Variants in ARHGEF28 observed in about 807,000 individuals in gnomAD.
ARHGEF28 encodes the protein 190 kDa guanine nucleotide exchange factor.
A neutral mutation model predicts 206.6 loss-of-function variants in ARHGEF28; 152 were observed. That is an observed-to-expected ratio of 0.74 (90% confidence interval 0.64 to 0.84). ARHGEF28 has a LOEUF of 0.84. ARHGEF28 is among the 40% of genes least tolerant of loss of function. The pLI is 0.00. For synonymous variants in ARHGEF28, 763 were observed against 776.4 expected (o/e 0.98, Z 0.29); for missense variants, 2,028 against 2,073.2 (o/e 0.98, Z 0.42).
intron 35 of ARHGEF28, among the ~76,000 whole-genome samples, chr5:73,913,630 G>A (rs1763036848): frequency 6.6e-6 from 1 of 152,154 alleles, no homozygotes; most frequent in Admixed American, 6.5e-5. Flanking sequence ...AGGCTCCAGG[G>A]TGTGCTGGGT....
At chr5:73,699,057 CT>C (rs886591033) in intron 2 of ARHGEF28, among the ~76,000 whole-genome samples, 44 of 152,076 alleles carry the variant, frequency 2.9e-4, no homozygotes, top group African/African-American at 8.0e-4. Context: ...TTTGCGAACC[CT>C]TTTCTTTGAG....
rs1281734665 is a variant in ARHGEF28, at chr5:73,650,544, AAG to A, written c.-12+24223_-12+24224del. Reference sequence around the variant, plus strand: ...GTGATCTGCCAGCCTCGGCCTCACAAAGTGCTGGGATTACAGGTGTGAGCCAC... The same window carrying A: ...GTGATCTGCCAGCCTCGGCCTCACAATGCTGGGATTACAGGTGTGAGCCAC... On this transcript the variant is annotated intron_variant, in intron 1 of 35. Transcript: ENST00000513042. Among the ~76,000 whole-genome samples, 3 of 152,060 alleles carry A rather than the reference AAG, an allele frequency of 2.0e-5. No homozygotes were observed. In the East Asian group the frequency reaches 5.8e-4, roughly 29 times the overall value.
In ARHGEF28 at chr5:73,752,972, T is replaced by A. The variant is rs1197544167; in HGVS notation, c.245T>A (p.Val82Glu). Residue 82 changes from valine to glutamate, a missense_variant, in exon 4 of 36, where the codon GTG (valine) becomes GAG (glutamate). Val to Glu is a moderately radical substitution (Grantham distance 121, BLOSUM62 -2). This residue lies in a region of ARHGEF28 where 1,002 missense variants were observed against 1,015.3 expected (regional missense o/e 0.99). Transcript: ENST00000513042. Reference sequence around the variant, plus strand: ...CTCTGCTCGGAAGGTTACTCTCCGGTGACCATGGGCTCTGGCTCAGTGACC... The same window carrying A: ...CTCTGCTCGGAAGGTTACTCTCCGGAGACCATGGGCTCTGGCTCAGTGACC... The part of the protein sequence containing the change: ...VCLCSEGYSP[V>E]TMGSGSVTYV... 1.2e-6 allele frequency: 2 copies of A among 1,613,848 alleles called. No homozygotes were observed. Among genetic ancestry groups the A allele is most frequent in the Non-Finnish European group, 1.7e-6 (2 of 1,179,826 alleles).
At chr5:73,778,758 A>T (rs755317429) in intron 6 of ARHGEF28, among the ~76,000 whole-genome samples, 2 of 152,230 alleles carry the variant, frequency 1.3e-5, no homozygotes, top group Non-Finnish European at 2.9e-5. Flanking sequence ...AGCAGGTGGT[A>T]ATTATTTTAT....
At chr5:73,871,328 TAAATG>T (rs1475232453) in intron 21 of ARHGEF28, among the ~76,000 whole-genome samples, 3 of 152,136 alleles carry the variant, frequency 2.0e-5, no homozygotes, top group Non-Finnish European at 4.4e-5. Context: ...GTTAAAAGAT[TAAATG>T]AAATGATACA....
At position 73,909,781 on chromosome 5, in the gene ARHGEF28, C is replaced by A; in HGVS notation, c.4531C>A (p.Gln1511Lys). 6.6e-7 allele frequency: 1 copy of A among 1,517,140 alleles called. No homozygotes were observed. The highest frequency in any genetic ancestry group is 8.8e-7 in the Non-Finnish European group (1 of 1,136,600). The allele number at this position is 1,517,140 out of a possible 1,614,324, so 94.0% of individuals were successfully genotyped here. Reference sequence around the variant, plus strand: ...CAGCCTGGAGCGGCTGAGGGAGGGCCAGCGCCTGGTGGAGAGGGAGCAGGC... The same window carrying A: ...CAGCCTGGAGCGGCTGAGGGAGGGCAAGCGCCTGGTGGAGAGGGAGCAGGC... ...QHSLERLREG[Q>K]RLVEREQARM... Residue 1511 changes from glutamine to lysine, a missense_variant, in exon 34 of 36, where the codon CAG becomes AAG. Physicochemically the swap from Gln to Lys is moderately conservative, Grantham distance 53. This residue lies in a region of ARHGEF28 where 803 missense variants were observed against 768.0 expected (regional missense o/e 1.05). Transcript: ENST00000513042.
At chr5:73,637,233 A>G (rs1384334269) in intron 1 of ARHGEF28, among the ~76,000 whole-genome samples, 2 of 152,174 alleles carry the variant, frequency 1.3e-5, no homozygotes, top group Non-Finnish European at 2.9e-5. Context: ...GATAACTATC[A>G]GTTTTTAGCT....
chr5:73,816,279 G>C (rs995787796), intron 9 of ARHGEF28, among the ~76,000 whole-genome samples: 2 of 152,106 alleles, frequency 1.3e-5, no homozygotes, highest in Non-Finnish European at 2.9e-5. Flanking sequence ...TTTTTATCCT[G>C]ATGGCCAGTT....
chr5:73,779,533 G>A (rs1753716139), intron 6 of ARHGEF28, among the ~76,000 whole-genome samples: 2 of 152,060 alleles, frequency 1.3e-5, no homozygotes, highest in South Asian at 4.1e-4. Flanking sequence ...TAGCCTTGGC[G>A]ACTCTCACTC....
chr5:73,655,267 T>G (rs1176201315), intron 1 of ARHGEF28, among the ~76,000 whole-genome samples: 1 of 152,222 alleles, frequency 6.6e-6, no homozygotes, highest in Non-Finnish European at 1.5e-5. Context: ...CTAACTATGG[T>G]TCACAGGTCA....
At chr5:73,834,592 G>A (rs1295244154) in intron 10 of ARHGEF28, among the ~76,000 whole-genome samples, 2 of 151,746 alleles carry the variant, frequency 1.3e-5, no homozygotes, top group East Asian at 3.9e-4. Flanking sequence ...GTGTTTGTGT[G>A]TGCAGGTATA....
chr5:73,756,414 C>T (rs898385984), intron 4 of ARHGEF28, among the ~76,000 whole-genome samples: 4 of 152,196 alleles, frequency 2.6e-5, no homozygotes, highest in Admixed American at 2.0e-4. Flanking sequence ...TAGACTTTCT[C>T]TAAAGGCAGT....
intron 14 of ARHGEF28, among the ~76,000 whole-genome samples, chr5:73,854,614 T>C (rs1758901690): frequency 6.6e-6 from 1 of 152,068 alleles, no homozygotes; most frequent in Non-Finnish European, 1.5e-5. Flanking sequence ...GCGGATCATC[T>C]GAGGTCAGGA....
At chr5:73,707,080 C>G (rs1019199677) in intron 2 of ARHGEF28, among the ~76,000 whole-genome samples, 1 of 152,162 alleles carries the variant, frequency 6.6e-6, no homozygotes, top group Non-Finnish European at 1.5e-5. Flanking sequence ...TGAGTCTGAC[C>G]TCCCTGCTGA....
intron 25 of ARHGEF28, among the ~76,000 whole-genome samples, chr5:73,886,416 G>T (rs1761300115): frequency 1.3e-5 from 2 of 152,204 alleles, no homozygotes; most frequent in South Asian, 4.1e-4. Flanking sequence ...TAACTGTGGT[G>T]TGTTGAAAGC....
chr5:73,688,308 C>T (rs1272814432), intron 2 of ARHGEF28, among the ~76,000 whole-genome samples: 7 of 152,060 alleles, frequency 4.6e-5, no homozygotes, highest in Admixed American at 4.6e-4. Context: ...AAAAGGGCAC[C>T]TCATTCAGAT....
Position 73,941,158 on chromosome 5 carries a change from G to T in ARHGEF28, c.*145G>T. 1.3e-6 allele frequency: 1 copy of T among 773,510 alleles called. No individual in the cohort carries two copies. Among genetic ancestry groups the T allele is most frequent in the Non-Finnish European group, 1.8e-6 (1 of 563,890 alleles). The allele number at this position is 773,510 out of a possible 1,614,324, so 47.9% of individuals were successfully genotyped here. On this transcript the variant is annotated 3_prime_UTR_variant, in exon 36 of 36. Coordinates refer to ENST00000513042, the MANE Select transcript of ARHGEF28 (RefSeq NM_001177693.2). ...ATATTTCCTGGAAGCTCATTTTTTT[G>T]GCATGAGTCTAATTAAATTATTGAA...
At chr5:73,849,966 G>A (rs2112595629) in intron 13 of ARHGEF28, among the ~76,000 whole-genome samples, 1 of 151,686 alleles carries the variant, frequency 6.6e-6, no homozygotes. Context: ...AAAAGATTCA[G>A]AAAGCAAGAG....
intron 7 of ARHGEF28, chr5:73,786,306 G>C (rs984163941): frequency 6.6e-6 from 1 of 152,156 alleles, no homozygotes; most frequent in Non-Finnish European, 1.5e-5. Flanking sequence ...GCACAGAAAA[G>C]TTATGTAACT....
Sources: gnomAD v4.1 joint callset for allele counts (sites outside exome capture counted in the v4.1 genomes callset) on GRCh38, gnomAD v4.1.1 for gene constraint, gnomAD v4.1.1 regional missense constraint, MANE v1.5 for transcripts, NCBI Gene and HGNC (gene_info 2026-07-23, HGNC 2026-07-21) for gene names.